FNDC3B: variants seen among roughly 807,000 people sequenced by gnomAD.
The protein encoded by FNDC3B is fibronectin type III domain containing 3B.
FNDC3B carries 12 observed loss-of-function variants against 151.5 expected under a neutral mutation model. That is an observed-to-expected ratio of 0.08 (90% CI 0.05 to 0.13). The LOEUF (loss-of-function observed/expected upper bound fraction) is 0.13. FNDC3B is among the 10% of genes least tolerant of loss of function. The pLI is 1.00. For synonymous variants in FNDC3B, 528 were observed against 549.0 expected (o/e 0.96, Z 0.54); for missense variants, 1,214 against 1,505.3 (o/e 0.81, Z 3.20).
At chr3:172,251,119 TA>T in intron 5 of FNDC3B, 140 bp from the exon 6 acceptor site, 2 of 726,240 alleles carry the variant, frequency 2.8e-6, no homozygotes, top group Non-Finnish European at 4.4e-6. Context: ...TCTTAAAAAA[TA>T]TTTATTAGAC....
chr3:172,048,741 T>C (rs565845591), intron 1 of FNDC3B, among the ~76,000 whole-genome samples: 2 of 152,268 alleles, frequency 1.3e-5, no homozygotes, highest in South Asian at 2.1e-4. Flanking sequence ...GTATTATATA[T>C]TGGAATATTT....
chr3:172,076,683 T>C (rs369936780), intron 1 of FNDC3B, among the ~76,000 whole-genome samples: 1 of 37,786 alleles, frequency 2.6e-5, no homozygotes, highest in Non-Finnish European at 8.1e-5. Context: ...AATATGAAAT[T>C]ATTTTTCCTG....
chr3:172,059,850 T>C (rs1480425828), intron 1 of FNDC3B, among the ~76,000 whole-genome samples: 1 of 152,240 alleles, frequency 6.6e-6, no homozygotes, highest in African/African-American at 2.4e-5. Context: ...TTAAAACTTT[T>C]AGGTAAATAG....
chr3:172,089,352 T>C (rs1174081822), intron 1 of FNDC3B, among the ~76,000 whole-genome samples: 2 of 152,094 alleles, frequency 1.3e-5, no homozygotes, highest in African/African-American at 4.8e-5. Context: ...TCTTAAACCC[T>C]AGAAAAAAAC....
At chr3:172,197,122 A>T (rs1724877883) in intron 3 of FNDC3B, among the ~76,000 whole-genome samples, 1 of 152,134 alleles carries the variant, frequency 6.6e-6, no homozygotes, top group Non-Finnish European at 1.5e-5. Context: ...TGGAGGTTGC[A>T]GTGAGCCGAG....
chr3:172,055,492 G>T (rs951273781), intron 1 of FNDC3B, among the ~76,000 whole-genome samples: 20 of 152,082 alleles, frequency 1.3e-4, no homozygotes, highest in Non-Finnish European at 1.5e-5. Flanking sequence ...TCACTTTGCA[G>T]TTCTCTTAAA....
chr3:172,080,529 C>T (rs1576843906), intron 1 of FNDC3B, among the ~76,000 whole-genome samples: 2 of 152,184 alleles, frequency 1.3e-5, no homozygotes, highest in South Asian at 4.1e-4. Flanking sequence ...CTTCCTGCCT[C>T]AGCCTCCCAA....
At chr3:172,133,573 A>G (rs1443276482) in intron 3 of FNDC3B, 27 bp downstream of exon 3, 2 of 1,512,238 alleles carry the variant, frequency 1.3e-6, no homozygotes, top group African/African-American at 2.7e-5. Context: ...TAAATATTCT[A>G]ATCAAAGATT....
At chr3:172,210,022 G>C (rs1725650478) in intron 3 of FNDC3B, among the ~76,000 whole-genome samples, 1 of 152,226 alleles carries the variant, frequency 6.6e-6, no homozygotes, top group African/African-American at 2.4e-5. Flanking sequence ...GGGACAGGGA[G>C]AGGCCAGCCA....
intron 21 of FNDC3B, 29 bp downstream of exon 21, chr3:172,347,390 A>G (rs1416449424): frequency 1.3e-6 from 2 of 1,578,422 alleles, no homozygotes; most frequent in Admixed American, 1.7e-5. Context: ...GATGTTACTC[A>G]CAAGGACTGC....
At chr3:172,344,825 G>T (rs1733526002) in intron 19 of FNDC3B, among the ~76,000 whole-genome samples, 1 of 152,158 alleles carries the variant, frequency 6.6e-6, no homozygotes, top group Non-Finnish European at 1.5e-5. Context: ...AAAGGTTGTT[G>T]TCCTTTTTTT....
At chr3:172,252,922 A>G (rs1728159515) in intron 6 of FNDC3B, among the ~76,000 whole-genome samples, 1 of 152,212 alleles carries the variant, frequency 6.6e-6, no homozygotes, top group Non-Finnish European at 1.5e-5. Context: ...TCTCATATAA[A>G]ATAATTTTTA....
At chr3:172,108,884 A>G (rs1468428194) in intron 1 of FNDC3B, among the ~76,000 whole-genome samples, 2 of 152,058 alleles carry the variant, frequency 1.3e-5, no homozygotes, top group Non-Finnish European at 2.9e-5. Flanking sequence ...AGTCATTTCT[A>G]TTTTATGATC....
chr3:172,296,995 C>T (rs1323028999), intron 8 of FNDC3B, among the ~76,000 whole-genome samples: 2 of 152,038 alleles, frequency 1.3e-5, no homozygotes, highest in East Asian at 1.9e-4. Flanking sequence ...TAGAGGCTCA[C>T]GTGCCCAGAG....
At chr3:172,042,067 ATTACT>A (rs749116658) in intron 1 of FNDC3B, among the ~76,000 whole-genome samples, 5 of 148,270 alleles carry the variant, frequency 3.4e-5, no homozygotes, top group African/African-American at 7.4e-5. Flanking sequence ...TGTGGTTTAA[ATTACT>A]TTAAGATAAA....
At chr3:172,304,081 T>G (rs1731071035) in intron 9 of FNDC3B, among the ~76,000 whole-genome samples, 1 of 152,224 alleles carries the variant, frequency 6.6e-6, no homozygotes, top group Non-Finnish European at 1.5e-5. Flanking sequence ...CTAACCTGCA[T>G]CAGGTTCTTT....
chr3:172,371,309 A>T (rs528640563), intron 23 of FNDC3B, among the ~76,000 whole-genome samples: 3 of 152,342 alleles, frequency 2.0e-5, no homozygotes, highest in South Asian at 2.1e-4. Context: ...AAAAAGCAGA[A>T]CATGTTCAGT....
rs1220999211 is a variant in FNDC3B, at chr3:172,193,327, TC to T, written c.188-33540del. ...CCCCCTCCCCTCCCCTCCCCTCCCC[TC>T]CCCTTCCCTTCCCTTCCTTCCTCTA... On this transcript the variant is annotated intron_variant, in intron 3 of 25. Coordinates refer to ENST00000415807, the MANE Select transcript of FNDC3B (RefSeq NM_022763.4). Among the ~76,000 whole-genome samples the T allele has an allele frequency of 4.3e-4, 14 of 32,940 alleles. 5 individuals are homozygous for T. Among genetic ancestry groups the T allele is most frequent in the Non-Finnish European group, 6.2e-5 (1 of 16,050 alleles). The allele number at this position is 32,940 out of a possible 152,430, so 21.6% of individuals were successfully genotyped here. A position where few individuals can be genotyped will look rare whatever the true frequency, so the allele number is the denominator to read the frequency against.
chr3:172,061,318 C>T (rs933072125), intron 1 of FNDC3B, among the ~76,000 whole-genome samples: 3 of 151,632 alleles, frequency 2.0e-5, no homozygotes, highest in East Asian at 1.9e-4. Context: ...CTGCAAGCTC[C>T]GCCTCCCGGG....
Sources: gnomAD v4.1 joint callset for allele counts (sites outside exome capture counted in the v4.1 genomes callset) on GRCh38, gnomAD v4.1.1 for gene constraint, MANE v1.5 for transcripts, NCBI Gene and HGNC (gene_info 2026-07-23, HGNC 2026-07-21) for gene names.